The following KCNIP1 variants were observed in gnomAD, a reference collection of about 807,000 sequenced individuals.
KCNIP1 encodes the protein potassium voltage-gated channel interacting protein 1.
In KCNIP1, 18 loss-of-function variants were observed where a neutral mutation model predicts 33.0. That is an observed-to-expected ratio of 0.55 (90% CI 0.38 to 0.81). The LOEUF (loss-of-function observed/expected upper bound fraction) is 0.81, where lower values mean the gene tolerates loss of function less well. Ranked by LOEUF, KCNIP1 falls within the 30% of genes least tolerant of loss-of-function variation. KCNIP1 has a pLI of 0.00. For missense variants in KCNIP1, 238 were observed against 271.6 expected, an observed-to-expected ratio of 0.88 and a Z score of 0.87; for synonymous variants, 93 against 98.3, an observed-to-expected ratio of 0.95 and a Z score of 0.32.
At chr5:170,615,777 G>A (rs1277784245) in intron 1 of KCNIP1, among the ~76,000 whole-genome samples, 2 of 152,096 alleles carry the variant, frequency 1.3e-5, no homozygotes, top group African/African-American at 2.4e-5. Flanking sequence ...GTCAAATGGC[G>A]TTTGACACAT....
At chr5:170,708,742 C>CA (rs1763347263) in intron 1 of KCNIP1, among the ~76,000 whole-genome samples, 1 of 151,962 alleles carries the variant, frequency 6.6e-6, no homozygotes, top group South Asian at 2.1e-4. Context: ...CAAAAAAGTA[C>CA]AAAAAAACTA....
intron 1 of KCNIP1, among the ~76,000 whole-genome samples, chr5:170,358,165 C>T (rs1438561538): frequency 2.0e-5 from 3 of 152,128 alleles, no homozygotes; most frequent in African/African-American, 7.2e-5. Context: ...GCACTGGGAA[C>T]AAATGTTACC....
At chr5:170,589,794 T>TGTGCGGTGCGGTGCGGTGCGGTGCG (rs149120148) in intron 1 of KCNIP1, among the ~76,000 whole-genome samples, 32 of 113,242 alleles carry the variant, frequency 2.8e-4, no homozygotes, top group East Asian at 1.6e-3. Flanking sequence ...TGTGATGTGG[T>TGTGCGGTGCGGTGCGGTGCGGTGCG]GTGCGGTGCG....
At chr5:170,702,232 C>A (rs1020516450) in intron 1 of KCNIP1, among the ~76,000 whole-genome samples, 2 of 152,028 alleles carry the variant, frequency 1.3e-5, no homozygotes, top group Non-Finnish European at 2.9e-5. Context: ...AAGTATTTGT[C>A]GAATGAGTTA....
At chr5:170,590,610 G>C (rs1758213177) in intron 1 of KCNIP1, among the ~76,000 whole-genome samples, 1 of 152,154 alleles carries the variant, frequency 6.6e-6, no homozygotes, top group Admixed American at 6.5e-5. Context: ...TGCACCTTCA[G>C]CCTCAGCTAC....
intron 1 of KCNIP1, among the ~76,000 whole-genome samples, chr5:170,508,719 G>A (rs1754813238): frequency 6.6e-6 from 1 of 152,100 alleles, no homozygotes; most frequent in South Asian, 2.1e-4. Flanking sequence ...ACCCCTTGCT[G>A]CCTTGTCTAA....
chr5:170,543,112 G>A (rs867171189), intron 1 of KCNIP1, among the ~76,000 whole-genome samples: 13 of 152,266 alleles, frequency 8.5e-5, no homozygotes, highest in Middle Eastern at 3.4e-3. Flanking sequence ...CCCTGCCTTC[G>A]TGACCTAATC....
At chr5:170,717,974 C>G (rs547269359) in intron 1 of KCNIP1, among the ~76,000 whole-genome samples, 2 of 152,184 alleles carry the variant, frequency 1.3e-5, no homozygotes, top group Non-Finnish European at 2.9e-5. Flanking sequence ...GATGGTAAAA[C>G]GTTGAAAATT....
intron 1 of KCNIP1, among the ~76,000 whole-genome samples, chr5:170,508,001 T>C (rs1383877023): frequency 6.6e-6 from 1 of 152,124 alleles, no homozygotes; most frequent in Non-Finnish European, 1.5e-5. Context: ...TGGCCTTGAA[T>C]GGGTAAGTGA....
intron 1 of KCNIP1, among the ~76,000 whole-genome samples, chr5:170,550,750 G>A (rs1581312231): frequency 6.6e-6 from 1 of 151,994 alleles, no homozygotes; most frequent in Admixed American, 6.6e-5. Context: ...GATGATGATG[G>A]TGATGATGAT....
intron 5 of KCNIP1, among the ~76,000 whole-genome samples, chr5:170,723,842 A>G (rs1763915953): frequency 6.6e-6 from 1 of 152,220 alleles, no homozygotes; most frequent in South Asian, 2.1e-4. Context: ...ACAAAAAGCC[A>G]GGAAAAGTGT....
At position 170,433,996 on chromosome 5, in the gene KCNIP1, C is replaced by T. The variant is rs184824658; in HGVS notation, c.88+80032C>T. Among the ~76,000 whole-genome samples, 16 of 152,212 alleles carry T rather than the reference C, an allele frequency of 1.1e-4. No individual in the cohort carries two copies. The South Asian group carries it at 1.7e-3, about 16-fold the overall frequency. On this transcript the variant is annotated intron_variant, in intron 1 of 7. Coordinates refer to the KCNIP1 transcript ENST00000377360. ...CCCAGCCTGACTGCCTTGATTGGGC[C>T]GCATTTCTTTGTTCTGACCTCAAAA...
At chr5:170,380,017 T>G (rs1321190633) in intron 1 of KCNIP1, among the ~76,000 whole-genome samples, 1 of 152,010 alleles carries the variant, frequency 6.6e-6, no homozygotes. Flanking sequence ...TTTCAACCTG[T>G]GTACAGCAAA....
chr5:170,549,625 G>T (rs1459635568), intron 1 of KCNIP1, among the ~76,000 whole-genome samples: 2 of 152,190 alleles, frequency 1.3e-5, no homozygotes, highest in South Asian at 2.1e-4. Flanking sequence ...GTTTCTGAAA[G>T]TATGTTCCTT....
At chr5:170,416,328 TG>T (rs1168195104) in intron 1 of KCNIP1, among the ~76,000 whole-genome samples, 1 of 152,116 alleles carries the variant, frequency 6.6e-6, no homozygotes, top group Non-Finnish European at 1.5e-5. Flanking sequence ...CTAACCCTCA[TG>T]GGCGGGCCCT....
intron 1 of KCNIP1, among the ~76,000 whole-genome samples, chr5:170,584,999 G>T (rs1757935458): frequency 6.6e-6 from 1 of 152,076 alleles, no homozygotes; most frequent in African/African-American, 2.4e-5. Context: ...ATTATCCCAT[G>T]TAACCCCTAA....
At chr5:170,669,306 C>T (rs1231932243) in intron 1 of KCNIP1, among the ~76,000 whole-genome samples, 2 of 152,166 alleles carry the variant, frequency 1.3e-5, no homozygotes, top group Admixed American at 1.3e-4. Context: ...TCAGTTTTAC[C>T]TCTTGAAAAA....
At chr5:170,465,402 C>T (rs763525010) in intron 1 of KCNIP1, among the ~76,000 whole-genome samples, 11 of 152,160 alleles carry the variant, frequency 7.2e-5, no homozygotes, top group Non-Finnish European at 1.5e-4. Context: ...GAAAACTGAG[C>T]TTTTCCAAGC....
intron 1 of KCNIP1, among the ~76,000 whole-genome samples, chr5:170,474,885 CCCCACCGCGTAG>C (rs1473368337): frequency 2.0e-5 from 3 of 152,170 alleles, no homozygotes; most frequent in African/African-American, 7.2e-5. Flanking sequence ...AGAACAAACC[CCCCACCGCGTAG>C]AAGGGGACCC....
Sources: gnomAD v4.1 joint callset for allele counts (sites outside exome capture counted in the v4.1 genomes callset) on GRCh38, gnomAD v4.1.1 for gene constraint, MANE v1.5 for transcripts, NCBI Gene and HGNC (gene_info 2026-07-23, HGNC 2026-07-21) for gene names.